PID1: variants seen among roughly 807,000 people sequenced by gnomAD.
PID1 encodes the protein phosphotyrosine interaction domain containing 1, also known as PTB-containing, cubilin and LRP1-interacting protein.
Under a neutral mutation model 19.1 loss-of-function variants are expected in PID1, and 10 were observed. That is an observed-to-expected ratio of 0.52 (90% CI 0.32 to 0.89). PID1 has a LOEUF of 0.89. PID1 is among the 40% of genes least tolerant of loss of function. The probability of loss-of-function intolerance (pLI) is 0.03; values close to 1 mark genes in which losing one functional copy is unlikely to be tolerated. For missense variants in PID1, 248 were observed against 285.3 expected, an observed-to-expected ratio of 0.87 and a Z score of 0.94; for synonymous variants, 130 against 116.0, an observed-to-expected ratio of 1.12 and a Z score of -0.78.
At chr2:229,117,214 AAAC>A (rs1695428429) in intron 2 of PID1, among the ~76,000 whole-genome samples, 1 of 152,108 alleles carries the variant, frequency 6.6e-6, no homozygotes, top group Non-Finnish European at 1.5e-5. Flanking sequence ...ACAACCCTCC[AAAC>A]AACAAAACAA....
At chr2:229,110,888 G>C (rs1199592226) in intron 2 of PID1, among the ~76,000 whole-genome samples, 1 of 151,996 alleles carries the variant, frequency 6.6e-6, no homozygotes. Flanking sequence ...ATATGGTTTG[G>C]CTATGTCCCC....
chr2:229,182,422 A>AG (rs1303697130), intron 1 of PID1, among the ~76,000 whole-genome samples: 3 of 152,116 alleles, frequency 2.0e-5, no homozygotes, highest in Non-Finnish European at 4.4e-5. Context: ...ATTAAAAAAA[A>AG]GCCTCCCTAG....
chr2:229,261,245 G>A (rs11886449), intron 1 of PID1, among the ~76,000 whole-genome samples: 56,880 of 151,972 alleles, frequency 0.37, 11,254 homozygotes, highest in African/African-American at 0.49. Flanking sequence ...CCAGAACTGC[G>A]GGACAACCCA....
intron 2 of PID1, among the ~76,000 whole-genome samples, chr2:229,081,554 T>C (rs1454980464): frequency 6.6e-6 from 1 of 152,298 alleles, no homozygotes; most frequent in African/African-American, 2.4e-5. Flanking sequence ...GGCATGCTGA[T>C]GCAGATGGCA....
At chr2:229,230,930 A>G (rs1203256727) in intron 1 of PID1, among the ~76,000 whole-genome samples, 1 of 152,228 alleles carries the variant, frequency 6.6e-6, no homozygotes, top group Non-Finnish European at 1.5e-5. Context: ...AACACTAAAC[A>G]GTATTTATTA....
intron 1 of PID1, among the ~76,000 whole-genome samples, chr2:229,213,026 C>T (rs1023119607): frequency 6.6e-6 from 1 of 152,012 alleles, no homozygotes; most frequent in Non-Finnish European, 1.5e-5. Flanking sequence ...AAAATATACT[C>T]TGTGATTCAT....
chr2:229,195,493 T>C (rs990979921), intron 1 of PID1, among the ~76,000 whole-genome samples: 1 of 151,906 alleles, frequency 6.6e-6, no homozygotes, highest in Non-Finnish European at 1.5e-5. Flanking sequence ...TCATATTGTG[T>C]CATTTTTTCC....
intron 1 of PID1, among the ~76,000 whole-genome samples, chr2:229,199,139 C>T (rs998246248): frequency 4.6e-5 from 7 of 151,966 alleles, no homozygotes; most frequent in Admixed American, 2.0e-4. Flanking sequence ...GCAATGTAAC[C>T]CCCACCCCAA....
intron 2 of PID1, among the ~76,000 whole-genome samples, chr2:229,128,140 A>AT (rs5839306): frequency 0.79 from 120,734 of 152,060 alleles, 48,075 homozygotes; most frequent in East Asian, 1. Flanking sequence ...ATGGATTGGG[A>AT]TTTTGTACCA....
At chr2:229,219,506 T>C (rs1415509792) in intron 1 of PID1, among the ~76,000 whole-genome samples, 1 of 152,186 alleles carries the variant, frequency 6.6e-6, no homozygotes, top group Non-Finnish European at 1.5e-5. Context: ...GTGGGGATTA[T>C]GGGAACGACA....
chr2:229,027,650 T>C (rs560409389), intron 2 of PID1, among the ~76,000 whole-genome samples: 50 of 152,178 alleles, frequency 3.3e-4, no homozygotes, highest in African/African-American at 1.1e-3. Context: ...AACATTGGCC[T>C]CAGACTACAT....
chr2:229,174,860 CA>C (rs1464699542), intron 1 of PID1, among the ~76,000 whole-genome samples: 1 of 152,126 alleles, frequency 6.6e-6, no homozygotes, highest in Non-Finnish European at 1.5e-5. Context: ...ATAATGATTG[CA>C]ACTTCTTTGA....
intron 1 of PID1, among the ~76,000 whole-genome samples, chr2:229,250,960 C>T (rs960763998): frequency 6.6e-6 from 1 of 152,172 alleles, no homozygotes; most frequent in African/African-American, 2.4e-5. Flanking sequence ...GATCAGTCAA[C>T]ATTTGCTGAA....
At chr2:229,228,217 TTG>T (rs1692124474) in intron 1 of PID1, among the ~76,000 whole-genome samples, 1 of 152,194 alleles carries the variant, frequency 6.6e-6, no homozygotes, top group African/African-American at 2.4e-5. Context: ...AAATGAGAAC[TTG>T]TGTCCCTACT....
intron 2 of PID1, among the ~76,000 whole-genome samples, chr2:229,136,326 A>G (rs1252560788): frequency 6.6e-6 from 1 of 152,164 alleles, no homozygotes; most frequent in Non-Finnish European, 1.5e-5. Context: ...CAGCTTGACC[A>G]CAACCTCAGG....
rs1410909762 is a variant in PID1 at position 229,226,907 on chromosome 2, A to G, written c.30+44107T>C. Among the ~76,000 whole-genome samples the G allele has an allele frequency of 3.3e-5, 5 of 152,334 alleles. No homozygotes were observed. In the East Asian group the frequency reaches 9.6e-4, roughly 29 times the overall value. On this transcript the variant is annotated intron_variant, in intron 1 of 2. Coordinates refer to ENST00000392055, the MANE Select transcript of PID1 (RefSeq NM_001100818.2). ...TACTGCCACTGAAATAGTACTGTGA[A>G]AGAAAATGGGGTGTTTAGAATTTTT...
chr2:229,137,420 A>AGTTAC (rs1409854823), intron 2 of PID1, among the ~76,000 whole-genome samples: 2 of 152,210 alleles, frequency 1.3e-5, no homozygotes, highest in African/African-American at 4.8e-5. Flanking sequence ...ATTTAAGTTA[A>AGTTAC]TTTCTCACAG....
At chr2:229,115,453 AAATG>A (rs1381227760) in intron 2 of PID1, among the ~76,000 whole-genome samples, 1 of 151,968 alleles carries the variant, frequency 6.6e-6, no homozygotes, top group Non-Finnish European at 1.5e-5. Context: ...GAAAAAGAAA[AAATG>A]AAGAAAAACA....
chr2:229,206,915 T>C (rs1344376657), intron 1 of PID1, among the ~76,000 whole-genome samples: 1 of 152,146 alleles, frequency 6.6e-6, no homozygotes, highest in Non-Finnish European at 1.5e-5. Context: ...TCTGGGTCAG[T>C]AGGTCTGGGG....
Sources: gnomAD v4.1 joint callset for allele counts (sites outside exome capture counted in the v4.1 genomes callset) on GRCh38, gnomAD v4.1.1 for gene constraint, MANE v1.5 for transcripts, NCBI Gene and HGNC (gene_info 2026-07-23, HGNC 2026-07-21) for gene names.